BCL2A1: variants seen among roughly 807,000 people sequenced by gnomAD.
The protein encoded by BCL2A1 is bcl-2-related protein A1.
In BCL2A1, 10 loss-of-function variants were observed where a neutral mutation model predicts 14.4. That is an observed-to-expected ratio of 0.69 (90% CI 0.43 to 1.18). BCL2A1 has a LOEUF of 1.18. BCL2A1 is among the 50% of genes most tolerant of loss of function. The probability of loss-of-function intolerance (pLI) is 0.00; values close to 1 mark genes in which losing one functional copy is unlikely to be tolerated. For missense variants in BCL2A1, 158 were observed against 205.0 expected, an observed-to-expected ratio of 0.77 and a Z score of 1.40; for synonymous variants, 71 against 76.5, an observed-to-expected ratio of 0.93 and a Z score of 0.38.
intron 1 of BCL2A1, among the ~76,000 whole-genome samples, chr15:79,964,282 C>A (rs902143947): frequency 6.6e-6 from 1 of 151,902 alleles, no homozygotes; most frequent in Non-Finnish European, 1.5e-5. Context: ...ATCAATAGTC[C>A]AAAGAAAATC....
chr15:79,965,828 T>C (rs1214430824), intron 1 of BCL2A1, among the ~76,000 whole-genome samples: 1 of 152,182 alleles, frequency 6.6e-6, no homozygotes, highest in Non-Finnish European at 1.5e-5. Flanking sequence ...ACCTTGCTGC[T>C]AGATCTTTAT....
chr15:79,961,566 C>T lies in BCL2A1; in HGVS notation c.421-392G>A, dbSNP rs148920402. On this transcript the variant is annotated intron_variant, in intron 1 of 1. Coordinates refer to ENST00000267953, the MANE Select transcript of BCL2A1 (RefSeq NM_004049.4). ...TTTCACTTCCATAGTGGACAGCAAGCACAGCTCTAGAGGATAGAAAGCCTT... is the reference window on the plus strand; with the variant it reads ...TTTCACTTCCATAGTGGACAGCAAGTACAGCTCTAGAGGATAGAAAGCCTT... Among the ~76,000 whole-genome samples, 107 of 152,270 alleles carry T rather than the reference C, an allele frequency of 7.0e-4. 1 individual carries two copies. In the South Asian group the frequency reaches 8.9e-3, roughly 13 times the overall value.
intron 1 of BCL2A1, among the ~76,000 whole-genome samples, chr15:79,964,523 C>T (rs2035520209): frequency 1.3e-5 from 2 of 152,152 alleles, no homozygotes; most frequent in African/African-American, 4.8e-5. Flanking sequence ...ACTCCCACTT[C>T]TCTAAACATT....
At chr15:79,967,477 A>G (rs1039465438) in intron 1 of BCL2A1, among the ~76,000 whole-genome samples, 10 of 151,958 alleles carry the variant, frequency 6.6e-5, no homozygotes, top group Non-Finnish European at 1.5e-4. Context: ...CAGCCTCCCA[A>G]AGCGCTGGGA....
intron 1 of BCL2A1, among the ~76,000 whole-genome samples, chr15:79,963,264 A>C (rs768223393): frequency 6.6e-6 from 1 of 152,208 alleles, no homozygotes; most frequent in African/African-American, 2.4e-5. Context: ...CTGGGGTTAC[A>C]GGCATGAGCC....
At chr15:79,962,737 G>A (rs1307165586) in intron 1 of BCL2A1, among the ~76,000 whole-genome samples, 2 of 151,868 alleles carry the variant, frequency 1.3e-5, no homozygotes, top group South Asian at 2.1e-4. Flanking sequence ...TAGTAGAGAC[G>A]GGGTTTCACT....
chr15:79,967,463 A>G lies in BCL2A1; in HGVS notation c.420+3237T>C, dbSNP rs543120536. Among the ~76,000 whole-genome samples the G allele has an allele frequency of 5.3e-4, 81 of 151,794 alleles. 2 individuals are homozygous for G. The South Asian group carries it at 0.017, about 32-fold the overall frequency. On this transcript the variant is annotated intron_variant, in intron 1 of 1. Transcript: ENST00000267953. ...ACTCCTGACCTCAGGTAATCCACCC[A>G]CCTCAGCCTCCCAAAGCGCTGGGAT...
chr15:79,962,981 T>C (rs756050064), intron 1 of BCL2A1, among the ~76,000 whole-genome samples: 4 of 150,926 alleles, frequency 2.7e-5, no homozygotes, highest in Non-Finnish European at 4.4e-5. Context: ...GAGATTAAAA[T>C]TTATTATTAT....
chr15:79,965,003 G>A (rs1187164656), intron 1 of BCL2A1, among the ~76,000 whole-genome samples: 4 of 152,176 alleles, frequency 2.6e-5, no homozygotes, highest in Non-Finnish European at 4.4e-5. Context: ...TTTGAGAGGC[G>A]GTTAGAGGCT....
intron 1 of BCL2A1, among the ~76,000 whole-genome samples, chr15:79,963,720 G>A (rs1229232156): frequency 6.6e-6 from 1 of 152,094 alleles, no homozygotes; most frequent in Non-Finnish European, 1.5e-5. Context: ...AATTTATCAT[G>A]AGGCAGTCTT....
rs1246119377 is a variant in BCL2A1 at position 79,971,192 on chromosome 15, T to C, written c.-73A>G. 8 of 1,471,200 alleles carry C rather than the reference T, an allele frequency of 5.4e-6. No individual in the cohort carries two copies. In the African/African-American group the frequency reaches 9.8e-5, roughly 18 times the overall value. 91.1% of individuals were successfully genotyped at this position (1,471,200 alleles called of 1,614,324 possible). ...TGTTGAGGCAATGTGCTGAGAATGC[T>C]CACTGAGCTTGACTGAGTTATGACA... On this transcript the variant is annotated 5_prime_UTR_variant, in exon 1 of 2. Transcript: ENST00000267953.
At chr15:79,963,059 G>A (rs189458322) in intron 1 of BCL2A1, among the ~76,000 whole-genome samples, 1 of 152,166 alleles carries the variant, frequency 6.6e-6, no homozygotes, top group Non-Finnish European at 1.5e-5. Context: ...TCAGCTGGCC[G>A]CAACCTCTGC....
intron 1 of BCL2A1, chr15:79,967,810 A>G (rs1417385393): frequency 4.6e-6 from 3 of 656,338 alleles, no homozygotes; most frequent in Non-Finnish European, 8.0e-6. Context: ...AGCACTGCCT[A>G]TCGTTGACAG....
At chr15:79,968,768 TA>T (rs2035568023) in intron 1 of BCL2A1, among the ~76,000 whole-genome samples, 1 of 152,112 alleles carries the variant, frequency 6.6e-6, no homozygotes, top group Non-Finnish European at 1.5e-5. Context: ...CTGTCTCTAC[TA>T]AAAATACAAA....
intron 1 of BCL2A1, 49 bp from the exon 2 acceptor site, chr15:79,961,223 T>C: frequency 6.4e-7 from 1 of 1,561,472 alleles, no homozygotes; most frequent in Admixed American, 1.8e-5. Context: ...AGATTAAGTA[T>C]GCTGGAATAA....
rs552358795 is a variant in BCL2A1 at position 79,970,910 on chromosome 15, T to C, written c.210A>G (p.Leu70=). ...NVVSVDTART[L]FNQVMEKEFE... ...ACTCCTTTTCCATCACTTGGTTGAA[T>C]AGTGTTCTGGCAGTGTCTACGGACA... The change falls in exon 1 of 2, where the codon CTA becomes CTG. Residue 70 remains leucine (L), a synonymous_variant. Transcript: ENST00000267953. 1.9e-6 allele frequency: 3 copies of C among 1,614,216 alleles called. No individual in the cohort carries two copies. The Admixed American group carries it at 5.0e-5, about 27-fold the overall frequency.
At chr15:79,967,740 T>C (rs2035555951) in intron 1 of BCL2A1, 1 of 1,177,866 alleles carries the variant, frequency 8.5e-7, no homozygotes, top group Non-Finnish European at 1.3e-6. Flanking sequence ...AGCAGATTTG[T>C]CAACATCACT....
chr15:79,969,084 GA>G (rs1163644663), intron 1 of BCL2A1, among the ~76,000 whole-genome samples: 1 of 151,732 alleles, frequency 6.6e-6, no homozygotes, highest in Non-Finnish European at 1.5e-5. Context: ...GTTAATATAT[GA>G]AAAGATGCTC....
chr15:79,961,713 C>T lies in BCL2A1; in HGVS notation c.421-539G>A, dbSNP rs1026892660. On this transcript the variant is annotated intron_variant, in intron 1 of 1. Coordinates refer to ENST00000267953, the MANE Select transcript of BCL2A1 (RefSeq NM_004049.4). ...AAATCATGAGAACTCACAGTAAATCCAAATTAAACTAATACCTTTGAAGCT... is the reference window on the plus strand; with the variant it reads ...AAATCATGAGAACTCACAGTAAATCTAAATTAAACTAATACCTTTGAAGCT... Among the ~76,000 whole-genome samples, 23 of 152,158 alleles carry T rather than the reference C, an allele frequency of 1.5e-4. No homozygotes were observed. In the East Asian group the frequency reaches 3.9e-3, roughly 26 times the overall value.
Sources: allele counts gnomAD v4.1 joint callset (sites outside exome capture counted in the v4.1 genomes callset), GRCh38; gene constraint gnomAD v4.1.1; transcripts MANE v1.5; gene names NCBI Gene and HGNC (gene_info 2026-07-23, HGNC 2026-07-21).